RXYLT1: variants seen among roughly 807,000 people sequenced by gnomAD.
RXYLT1 encodes the protein ribitol xylosyltransferase 1, also known as ribitol-5-phosphate xylosyltransferase 1.
RXYLT1 carries 41 observed loss-of-function variants against 43.5 expected under a neutral mutation model. The ratio of observed to expected loss-of-function variants is 0.94; its 90% CI spans 0.73 to 1.22. The LOEUF (loss-of-function observed/expected upper bound fraction) is 1.22. RXYLT1 is among the 50% of genes most tolerant of loss of function. The probability of loss-of-function intolerance (pLI) is 0.00; values close to 1 mark genes in which losing one functional copy is unlikely to be tolerated. For synonymous variants in RXYLT1, 166 were observed against 194.4 expected (o/e 0.85, Z 1.21); for missense variants, 514 against 532.0 (o/e 0.97, Z 0.33).
intron 5 of RXYLT1, chr12:63,807,897 A>G (rs1898342224): frequency 6.6e-6 from 1 of 152,000 alleles, no homozygotes; most frequent in African/African-American, 2.4e-5. Context: ...TTCAGTTTCT[A>G]CCCTTGCCCC....
intron 3 of RXYLT1, among the ~76,000 whole-genome samples, chr12:63,793,634 T>C (rs1897966206): frequency 6.6e-6 from 1 of 152,190 alleles, no homozygotes; most frequent in Middle Eastern, 3.2e-3. Flanking sequence ...CTTAGGAAAC[T>C]AAAATTGCCT....
intron 3 of RXYLT1, among the ~76,000 whole-genome samples, chr12:63,796,169 T>A (rs1043618949): frequency 6.6e-6 from 1 of 152,238 alleles, no homozygotes; most frequent in African/African-American, 2.4e-5. Flanking sequence ...TTGTGACTTA[T>A]GAAGAGTACT....
chr12:63,781,743 T>C (rs948930368), intron 2 of RXYLT1, among the ~76,000 whole-genome samples: 1 of 152,178 alleles, frequency 6.6e-6, no homozygotes, highest in Non-Finnish European at 1.5e-5. Flanking sequence ...TATATTATGC[T>C]CAATTAGAGA....
chr12:63,781,501 A>T (rs1382850325), intron 2 of RXYLT1, among the ~76,000 whole-genome samples: 1 of 152,256 alleles, frequency 6.6e-6, no homozygotes, highest in Non-Finnish European at 1.5e-5. Context: ...GACACTTGAT[A>T]CACAAGTATA....
At chr12:63,780,386 T>A (rs1897651244) in intron 1 of RXYLT1, 6 of 1,276,682 alleles carry the variant, frequency 4.7e-6, no homozygotes, top group Non-Finnish European at 5.9e-6. Flanking sequence ...TTCAAACACG[T>A]GTTAAAATCC....
intron 3 of RXYLT1, among the ~76,000 whole-genome samples, chr12:63,793,501 C>A (rs1322171355): frequency 6.6e-6 from 1 of 151,974 alleles, no homozygotes; most frequent in Non-Finnish European, 1.5e-5. Flanking sequence ...TAAAAGCATA[C>A]CTGATGCATG....
chr12:63,802,116 C>A lies in RXYLT1; in HGVS notation c.454C>A (p.Pro152Thr), dbSNP rs1198564242. Residue 152 changes from proline (P) to threonine (T), a missense_variant, in exon 4 of 6, where the codon CCA becomes ACA. Pro to Thr is a conservative substitution (Grantham distance 38). Coordinates refer to ENST00000261234, the MANE Select transcript of RXYLT1 (RefSeq NM_014254.3). ...CTTCATCACTGGTCCAGCTGTAATA[C>A]CAGGGTACTTCTCCGTTGATGTGAA... is the stretch of plus-strand genomic sequence containing the variant. ...YSFITGPAVI[P>T]GYFSVDVNNV... 1 of 1,606,596 alleles carries A rather than the reference C, an allele frequency of 6.2e-7. No individual in the cohort carries two copies. Among genetic ancestry groups the A allele is most frequent in the African/African-American group, 1.3e-5 (1 of 74,512 alleles).
intron 2 of RXYLT1, 92 bp downstream of exon 2, chr12:63,781,266 A>AT: frequency 1.6e-6 from 2 of 1,244,942 alleles, no homozygotes; most frequent in Non-Finnish European, 2.1e-6. Context: ...TTATTTCATA[A>AT]TTTGTTAATT....
intron 3 of RXYLT1, among the ~76,000 whole-genome samples, chr12:63,799,986 T>C (rs970619527): frequency 1.3e-5 from 2 of 152,212 alleles, no homozygotes; most frequent in African/African-American, 4.8e-5. Flanking sequence ...CTAGATACTG[T>C]CCAAGGCAAA....
chr12:63,780,499 T>C, intron 1 of RXYLT1: 1 of 1,083,506 alleles, frequency 9.2e-7, no homozygotes, highest in Non-Finnish European at 1.1e-6. Flanking sequence ...AACAAAGCCC[T>C]CTCTAATCCT....
At position 63,808,779 on chromosome 12, in the gene RXYLT1, G is replaced by A. The variant is rs768721082; in HGVS notation, c.1019G>A (p.Arg340Gln). Residue 340 changes from arginine to glutamine, a missense_variant, in exon 6 of 6, where the codon CGA becomes CAA. By Grantham distance (43) the Arg-to-Gln change is conservative. Coordinates refer to ENST00000261234, the MANE Select transcript of RXYLT1 (RefSeq NM_014254.3). ...GTCGGAGTAAACACAGAATGCTATC[G>A]AATCTATGAGGCTTGCTCCTATGGC... The part of the protein sequence containing the change: ...CPVGVNTECY[R>Q]IYEACSYGSI... 10 of 1,613,114 alleles carry A rather than the reference G, an allele frequency of 6.2e-6. No homozygotes were observed. The African/African-American group carries it at 9.4e-5, about 15-fold the overall frequency.
chr12:63,780,550 C>T, intron 1 of RXYLT1: 2 of 1,005,680 alleles, frequency 2.0e-6, no homozygotes, highest in Non-Finnish European at 2.4e-6. Flanking sequence ...AATTCTGGTC[C>T]CCTGTCCTGT....
At chr12:63,796,968 T>C (rs1037077991) in intron 3 of RXYLT1, among the ~76,000 whole-genome samples, 8 of 147,032 alleles carry the variant, frequency 5.4e-5, no homozygotes, top group Non-Finnish European at 7.5e-5. Flanking sequence ...TTTTTCTTTT[T>C]TTTTTTTTTT....
rs1360897855 is a variant in RXYLT1, at chr12:63,790,033, AAGAC to A, written c.428+4965_428+4968del. On this transcript the variant is annotated intron_variant, in intron 3 of 5. Coordinates refer to ENST00000261234, the MANE Select transcript of RXYLT1 (RefSeq NM_014254.3). ...TTAATTGTAGCCTCGAGACAATTCT[AAGAC>A]AGAAGTAGAAAGGATATCATCAGTG... Among the ~76,000 whole-genome samples, 11 of 152,346 alleles carry A rather than the reference AAGAC, an allele frequency of 7.2e-5. No individual in the cohort carries two copies. The East Asian group carries it at 1.7e-3, about 24-fold the overall frequency.
At chr12:63,786,581 C>A (rs1171834582) in intron 3 of RXYLT1, among the ~76,000 whole-genome samples, 3 of 151,980 alleles carry the variant, frequency 2.0e-5, no homozygotes, top group Non-Finnish European at 4.4e-5. Context: ...TTATCTGACC[C>A]ATCAGCAAGT....
chr12:63,807,251 C>G (rs1016371055), intron 5 of RXYLT1: 1 of 152,230 alleles, frequency 6.6e-6, no homozygotes, highest in African/African-American at 2.4e-5. Flanking sequence ...TCATAATTGC[C>G]TATACCTTCA....
At chr12:63,799,031 C>T (rs1898096203) in intron 3 of RXYLT1, among the ~76,000 whole-genome samples, 1 of 151,902 alleles carries the variant, frequency 6.6e-6, no homozygotes, top group Non-Finnish European at 1.5e-5. Context: ...TACAGGAACA[C>T]TAAAGGTGCT....
intron 3 of RXYLT1, among the ~76,000 whole-genome samples, chr12:63,786,018 T>C (rs2136222483): frequency 6.6e-6 from 1 of 152,314 alleles, no homozygotes; most frequent in East Asian, 1.9e-4. Context: ...TTATTTTTCC[T>C]TTCATCTTCA....
intron 3 of RXYLT1, among the ~76,000 whole-genome samples, chr12:63,792,267 C>T (rs930086228): frequency 1.5e-4 from 23 of 152,168 alleles, no homozygotes; most frequent in Non-Finnish European, 3.1e-4. Flanking sequence ...TGAGTTCACA[C>T]CTTATCCAGT....
Sources: gnomAD v4.1 joint callset for allele counts (sites outside exome capture counted in the v4.1 genomes callset) on GRCh38, gnomAD v4.1.1 for gene constraint, MANE v1.5 for transcripts, NCBI Gene and HGNC (gene_info 2026-07-23, HGNC 2026-07-21) for gene names.